Variants in NIT2 observed in about 807,000 individuals in gnomAD.
NIT2 encodes the protein nitrilase family member 2.
Under a neutral mutation model 42.7 loss-of-function variants are expected in NIT2, and 46 were observed. That is an observed-to-expected ratio of 1.08 (90% confidence interval 0.85 to 1.38). The LOEUF (loss-of-function observed/expected upper bound fraction) is 1.38, where lower values mean the gene tolerates loss of function less well. Ranked by LOEUF, NIT2 falls within the 40% of genes most tolerant of loss-of-function variation. The pLI is 0.00. For synonymous variants in NIT2, 123 were observed against 121.9 expected (o/e 1.01, Z -0.06); for missense variants, 309 against 342.5 (o/e 0.90, Z 0.77).
chr3:100,347,275 T>C (rs1706227416), intron 6 of NIT2, among the ~76,000 whole-genome samples: 1 of 152,052 alleles, frequency 6.6e-6, no homozygotes, highest in Admixed American at 6.5e-5. Flanking sequence ...TTTGTATTTT[T>C]AGTAGTTATG....
chr3:100,338,826 C>T (rs41272639), intron 1 of NIT2, among the ~76,000 whole-genome samples: 2,054 of 152,328 alleles, frequency 0.013, 18 homozygotes, highest in Middle Eastern at 0.034. Context: ...AGATTTTAGA[C>T]TATTGACATT....
In NIT2 at chr3:100,356,512, C is replaced by G. The variant is rs1008509911; in HGVS notation, c.*1244C>G. ...ATTTAAAACACAAGATACATGAGCA[C>G]ACATTCCATTAGCTATTAAGGTGAT... On this transcript the variant is annotated 3_prime_UTR_variant, in exon 10 of 10. Transcript: ENST00000394140. The G allele has an allele frequency of 6.6e-6, 1 of 152,200 alleles. No individual in the cohort carries two copies. Among genetic ancestry groups the G allele is most frequent in the African/African-American group, 2.4e-5 (1 of 41,450 alleles). The allele number at this position is 152,200 out of a possible 1,614,324, so 9.4% of individuals were successfully genotyped here.
At chr3:100,340,394 A>AG (rs1706135752) in intron 3 of NIT2, among the ~76,000 whole-genome samples, 1 of 152,152 alleles carries the variant, frequency 6.6e-6, no homozygotes, top group Admixed American at 6.5e-5. Flanking sequence ...TAGAGGATTG[A>AG]GAAAAAAAAT....
intron 9 of NIT2, 85 bp downstream of exon 9, chr3:100,354,912 T>G: frequency 1.7e-6 from 2 of 1,162,728 alleles, no homozygotes; most frequent in Non-Finnish European, 2.5e-6. Context: ...TCCCTGTCAT[T>G]TGGAGGGGTT....
rs1706339677 is a variant in NIT2 at position 100,358,001 on chromosome 3, C to T, written c.*2733C>T. 1 of 142,684 alleles carries T rather than the reference C, an allele frequency of 7.0e-6. No individual in the cohort carries two copies. Among genetic ancestry groups the T allele is most frequent in the South Asian group, 2.3e-4 (1 of 4,352 alleles). The allele number at this position is 142,684 out of a possible 1,614,324, so 8.8% of individuals were successfully genotyped here. A position where few individuals can be genotyped will look rare whatever the true frequency, so the allele number is the denominator to read the frequency against. On this transcript the variant is annotated 3_prime_UTR_variant, in exon 10 of 10. Transcript: ENST00000394140. ...CCATGTTGGCCAGTCTGATCTCGAA[C>T]TCCTGGCCTCAAGTGATCCACCAGC...
chr3:100,354,595 C>G (rs954023584), intron 8 of NIT2, among the ~76,000 whole-genome samples, 177 bp from the exon 9 acceptor site: 2 of 152,160 alleles, frequency 1.3e-5, no homozygotes, highest in African/African-American at 4.8e-5. Context: ...ATTTAAAATG[C>G]CTTCCCATAA....
At chr3:100,337,655 C>T (rs277622) in intron 1 of NIT2, among the ~76,000 whole-genome samples, 22,185 of 152,048 alleles carry the variant, frequency 0.15, 3,003 homozygotes, top group East Asian at 0.49. Context: ...GGTTTCACCA[C>T]GTTGGCCAGG....
chr3:100,340,191 A>C (rs1706132749), intron 3 of NIT2, among the ~76,000 whole-genome samples: 1 of 152,094 alleles, frequency 6.6e-6, no homozygotes, highest in Admixed American at 6.6e-5. Flanking sequence ...CCACCTCCTG[A>C]GTAGCTAGGA....
intron 5 of NIT2, 79 bp downstream of exon 5, chr3:100,345,757 C>T (rs918843456): frequency 2.3e-5 from 20 of 882,768 alleles, no homozygotes; most frequent in African/African-American, 5.0e-5. Flanking sequence ...TGTCTCTCTC[C>T]GATTTCTTCA....
At chr3:100,347,539 C>T (rs1398628840) in intron 6 of NIT2, among the ~76,000 whole-genome samples, 1 of 152,176 alleles carries the variant, frequency 6.6e-6, no homozygotes, top group Non-Finnish European at 1.5e-5. Flanking sequence ...AAGTGATCCT[C>T]CCACCTCAGC....
At chr3:100,350,413 C>T (rs1706261471) in intron 7 of NIT2, among the ~76,000 whole-genome samples, 1 of 152,178 alleles carries the variant, frequency 6.6e-6, no homozygotes, top group Admixed American at 6.5e-5. Flanking sequence ...GGCATGGAAG[C>T]GCCATGTGGC....
rs1168221708 is a variant in NIT2, at chr3:100,358,470, A to C, written c.*3202A>C. 6.6e-6 allele frequency: 1 copy of C among 152,214 alleles called. No homozygotes were observed. The highest frequency in any genetic ancestry group is 2.4e-5 in the African/African-American group (1 of 41,454). 9.4% of individuals were successfully genotyped at this position (152,214 alleles called of 1,614,324 possible). On this transcript the variant is annotated 3_prime_UTR_variant, in exon 10 of 10. Transcript: ENST00000394140. Reference sequence around the variant, plus strand: ...CTGCTATCACAAGTTGTGAACCTCTATCTCTTGCAGTTTAGGTAAGGCAAC... The same window carrying C: ...CTGCTATCACAAGTTGTGAACCTCTCTCTCTTGCAGTTTAGGTAAGGCAAC...
chr3:100,348,358 G>A (rs781605820), intron 6 of NIT2, among the ~76,000 whole-genome samples: 4 of 152,222 alleles, frequency 2.6e-5, no homozygotes, highest in African/African-American at 4.8e-5. Context: ...AGCTTATAAT[G>A]AGGATAATGA....
chr3:100,353,039 C>T (rs904599577), intron 8 of NIT2, among the ~76,000 whole-genome samples: 1 of 152,224 alleles, frequency 6.6e-6, no homozygotes, highest in African/African-American at 2.4e-5. Context: ...CAGTCATACG[C>T]TCATACGCAT....
At position 100,358,981 on chromosome 3, in the gene NIT2, C is replaced by T. The variant is rs765186144; in HGVS notation, c.*3713C>T. On this transcript the variant is annotated 3_prime_UTR_variant, in exon 10 of 10. Coordinates refer to ENST00000394140, the MANE Select transcript of NIT2 (RefSeq NM_020202.5). ...AGGGGCTCTTCCTTATGCCTCATAA[C>T]CACCTGTGTGTGACAGTTTCACATT... The T allele has an allele frequency of 2.6e-5, 4 of 152,174 alleles. No homozygotes were observed. Among genetic ancestry groups the T allele is most frequent in the African/African-American group, 2.4e-5 (1 of 41,420 alleles). The allele number at this position is 152,174 out of a possible 1,614,324, so 9.4% of individuals were successfully genotyped here.
rs906290025 is a variant in NIT2, at chr3:100,357,372, G to A, written c.*2104G>A. ...CAGATTACATTTTCTTTTTTAAATAGAAAGTCTTACTGTAAAGCCCACATC... is the reference window on the plus strand; with the variant it reads ...CAGATTACATTTTCTTTTTTAAATAAAAAGTCTTACTGTAAAGCCCACATC... On this transcript the variant is annotated 3_prime_UTR_variant, in exon 10 of 10. Coordinates refer to ENST00000394140, the MANE Select transcript of NIT2 (RefSeq NM_020202.5). The A allele has an allele frequency of 6.6e-6, 1 of 151,938 alleles. No homozygotes were observed. The highest frequency in any genetic ancestry group is 2.4e-5 in the African/African-American group (1 of 41,356). The allele number at this position is 151,938 out of a possible 1,614,324, so 9.4% of individuals were successfully genotyped here. A position where few individuals can be genotyped will look rare whatever the true frequency, so the allele number is the denominator to read the frequency against.
At chr3:100,344,551 T>C (rs1706191611) in intron 4 of NIT2, among the ~76,000 whole-genome samples, 1 of 152,252 alleles carries the variant, frequency 6.6e-6, no homozygotes, top group South Asian at 2.1e-4. Context: ...TTACTTTCTC[T>C]CAATTTCTTT....
At chr3:100,347,491 G>A (rs533217923) in intron 6 of NIT2, among the ~76,000 whole-genome samples, 12 of 152,282 alleles carry the variant, frequency 7.9e-5, no homozygotes, top group South Asian at 2.1e-4. Context: ...GAGTGCAGGC[G>A]TGATCATGGC....
chr3:100,337,872 G>A (rs1706096224), intron 1 of NIT2, among the ~76,000 whole-genome samples: 1 of 152,162 alleles, frequency 6.6e-6, no homozygotes, highest in African/African-American at 2.4e-5. Context: ...AGACCAGCCT[G>A]GGCAACAAAG....
Sources: gnomAD v4.1 joint callset for allele counts (sites outside exome capture counted in the v4.1 genomes callset) on GRCh38, gnomAD v4.1.1 for gene constraint, MANE v1.5 for transcripts, NCBI Gene and HGNC (gene_info 2026-07-23, HGNC 2026-07-21) for gene names.